P4HA1: variants seen among roughly 807,000 people sequenced by gnomAD.
P4HA1 encodes prolyl 4-hydroxylase subunit alpha 1.
Under a neutral mutation model 72.8 loss-of-function variants are expected in P4HA1, and 24 were observed. The ratio of observed to expected loss-of-function variants is 0.33; its 90% CI spans 0.24 to 0.46. P4HA1 has a LOEUF of 0.46. P4HA1 is among the 20% of genes least tolerant of loss of function. P4HA1 has a pLI of 1.00. For missense variants in P4HA1, 446 were observed against 640.6 expected (o/e 0.70, Z 3.28); for synonymous variants, 201 against 218.8 (o/e 0.92, Z 0.72).
chr10:73,088,331 A>C (rs1488784361), intron 1 of P4HA1, among the ~76,000 whole-genome samples: 2 of 152,160 alleles, frequency 1.3e-5, no homozygotes, highest in Non-Finnish European at 2.9e-5. Flanking sequence ...ACATCTGGGT[A>C]AGTCTGTAAG....
At chr10:73,046,889 A>G (rs201996149) in intron 8 of P4HA1, 36 bp downstream of exon 8, 2 of 1,414,012 alleles carry the variant, frequency 1.4e-6, no homozygotes, top group Non-Finnish European at 2.0e-6. Flanking sequence ...ACAAAGGTAC[A>G]GTAAATTGAG....
chr10:73,089,590 G>A (rs1841987590), intron 1 of P4HA1, among the ~76,000 whole-genome samples: 1 of 151,276 alleles, frequency 6.6e-6, no homozygotes, highest in Non-Finnish European at 1.5e-5. Context: ...AGGGTAAATG[G>A]GTTAAAAAAA....
At chr10:73,019,757 G>GAAAAAAAAAA (rs1840092712) in intron 10 of P4HA1, among the ~76,000 whole-genome samples, 1 of 57,298 alleles carries the variant, frequency 1.7e-5, no homozygotes, top group Non-Finnish European at 3.5e-5. Context: ...AGAATTCAAT[G>GAAAAAAAAAA]AATGAAATTA....
intron 9 of P4HA1, among the ~76,000 whole-genome samples, chr10:73,036,136 G>A (rs1384975213): frequency 6.7e-6 from 1 of 148,160 alleles, no homozygotes; most frequent in Non-Finnish European, 1.5e-5. Flanking sequence ...GCAGTGAGCC[G>A]AGATCACGCC....
At chr10:73,078,145 C>T (rs1270946893) in intron 1 of P4HA1, among the ~76,000 whole-genome samples, 1 of 147,430 alleles carries the variant, frequency 6.8e-6, no homozygotes, top group Admixed American at 6.8e-5. Context: ...TTAAGGAGTT[C>T]ATACAAATCA....
At chr10:73,035,986 C>T (rs914686399) in intron 9 of P4HA1, among the ~76,000 whole-genome samples, 3 of 151,870 alleles carry the variant, frequency 2.0e-5, no homozygotes, top group Non-Finnish European at 2.9e-5. Flanking sequence ...GTCAGGAGTT[C>T]GAGACCAGCC....
At position 73,037,550 on chromosome 10, in the gene P4HA1, TATATATATATATATATA is replaced by T. The variant is rs1314816411; in HGVS notation, c.1149-7197_1149-7181del. Among the ~76,000 whole-genome samples, 28 of 30,450 alleles carry T rather than the reference TATATATATATATATATA, an allele frequency of 9.2e-4. 1 individual carries two copies. The highest frequency in any genetic ancestry group is 2.8e-3 in the African/African-American group (22 of 7,746). 20.0% of individuals were successfully genotyped at this position (30,450 alleles called of 152,430 possible). A position where few individuals can be genotyped will look rare whatever the true frequency, so the allele number is the denominator to read the frequency against. ...CTATATATATATATATATATATATA[TATATATATATATATATA>T]TATATTTTTTTTTTTTTTTTTTTAC... On this transcript the variant is annotated intron_variant, in intron 9 of 14. Transcript: ENST00000394890.
intron 5 of P4HA1, among the ~76,000 whole-genome samples, chr10:73,063,741 A>G (rs1424953218): frequency 2.0e-5 from 3 of 152,200 alleles, no homozygotes; most frequent in Non-Finnish European, 4.4e-5. Flanking sequence ...TTATTTGAAC[A>G]TGCATGGCAG....
At chr10:73,017,169 A>ATGTATATATAGATATCTATATCTACATC (rs1840025089) in intron 10 of P4HA1, among the ~76,000 whole-genome samples, 1 of 144,768 alleles carries the variant, frequency 6.9e-6, no homozygotes, top group Non-Finnish European at 1.5e-5. Flanking sequence ...ATATCTACAG[A>ATGTATATATAGATATCTATATCTACATC]TGTATATATA....
chr10:73,051,331 G>T, intron 6 of P4HA1, 82 bp from the exon 7 acceptor site: 1 of 742,168 alleles, frequency 1.3e-6, no homozygotes. Context: ...AAAAATAGGA[G>T]ACATTATAAT....
At chr10:73,072,319 C>CGGT (rs1191913367) in intron 3 of P4HA1, 139 bp from the exon 4 acceptor site, 3 of 608,750 alleles carry the variant, frequency 4.9e-6, no homozygotes, top group Non-Finnish European at 8.5e-6. Context: ...TAAAAGTATA[C>CGGT]GGTCTCGGTC....
intron 1 of P4HA1, among the ~76,000 whole-genome samples, chr10:73,085,571 C>A (rs757318378): frequency 2.6e-5 from 4 of 151,952 alleles, no homozygotes; most frequent in Admixed American, 2.6e-4. Flanking sequence ...TTAGCAGAGA[C>A]GGAGTTTCTC....
At chr10:73,044,867 G>T in intron 9 of P4HA1, 114 bp downstream of exon 9, 2 of 726,492 alleles carry the variant, frequency 2.8e-6, no homozygotes, top group Non-Finnish European at 4.7e-6. Flanking sequence ...TATATACAGG[G>T]TGGTGACTTG....
At chr10:73,072,672 G>A (rs189283348) in intron 3 of P4HA1, among the ~76,000 whole-genome samples, 26 of 152,242 alleles carry the variant, frequency 1.7e-4, no homozygotes, top group African/African-American at 2.2e-4. Context: ...CTCAGGTCAG[G>A]ATTAACTATG....
chr10:73,059,848 G>A (rs932251650), intron 5 of P4HA1, among the ~76,000 whole-genome samples: 1 of 152,138 alleles, frequency 6.6e-6, no homozygotes, highest in Non-Finnish European at 1.5e-5. Context: ...GGGAGGCTGT[G>A]ACAGGAGGAT....
chr10:73,047,294 G>T (rs1028001315), intron 7 of P4HA1, among the ~76,000 whole-genome samples, 193 bp from the exon 8 acceptor site: 5 of 152,006 alleles, frequency 3.3e-5, no homozygotes, highest in Admixed American at 1.3e-4. Flanking sequence ...CAGTATTAAT[G>T]ATTATTTTCT....
At chr10:73,009,560 T>G (rs1187535750) in intron 14 of P4HA1, 1 of 405,760 alleles carries the variant, frequency 2.5e-6, no homozygotes, top group Admixed American at 3.5e-5. Context: ...GGGGAAGATA[T>G]TGTCTTATTC....
chr10:73,090,770 G>GT (rs1424531023), intron 1 of P4HA1, among the ~76,000 whole-genome samples: 2 of 151,998 alleles, frequency 1.3e-5, no homozygotes, highest in Non-Finnish European at 2.9e-5. Flanking sequence ...GTTAAAGGAA[G>GT]TAACTGCAGG....
At chr10:73,031,579 T>C (rs557695356) in intron 9 of P4HA1, among the ~76,000 whole-genome samples, 1 of 152,150 alleles carries the variant, frequency 6.6e-6, no homozygotes, top group South Asian at 2.1e-4. Context: ...CTATGAAATA[T>C]ACAGAATAGA....
Sources: allele counts gnomAD v4.1 joint callset (sites outside exome capture counted in the v4.1 genomes callset), GRCh38; gene constraint gnomAD v4.1.1; transcripts MANE v1.5; gene names NCBI Gene and HGNC (gene_info 2026-07-23, HGNC 2026-07-21).